EYS: variants seen among roughly 807,000 people sequenced by gnomAD.
EYS encodes the protein protein eyes shut homolog.
Under a neutral mutation model 282.1 loss-of-function variants are expected in EYS, and 250 were observed. The ratio of observed to expected loss-of-function variants is 0.89; its 90% CI spans 0.80 to 0.98. EYS has a LOEUF of 0.98. EYS is among the 50% of genes least tolerant of loss of function. EYS has a pLI of 0.00. For synonymous variants in EYS, 1,355 were observed against 1,282.9 expected, an observed-to-expected ratio of 1.06 and a Z score of -1.20; for missense variants, 4,016 against 3,709.0, an observed-to-expected ratio of 1.08 and a Z score of -2.15.
At chr6:65,608,632 C>A (rs970853949) in intron 2 of EYS, among the ~76,000 whole-genome samples, 1 of 151,964 alleles carries the variant, frequency 6.6e-6, no homozygotes, top group Admixed American at 6.6e-5. Context: ...TGTAATAACA[C>A]TTAGGTTAAA....
intron 2 of EYS, among the ~76,000 whole-genome samples, chr6:65,519,015 G>GA (rs1169317146): frequency 2.6e-5 from 4 of 151,332 alleles, no homozygotes; most frequent in African/African-American, 7.3e-5. Flanking sequence ...GCCCATGTCA[G>GA]AAAAAAAAAT....
intron 26 of EYS, among the ~76,000 whole-genome samples, chr6:64,564,472 G>A (rs941154811): frequency 2.0e-5 from 3 of 151,418 alleles, no homozygotes; most frequent in African/African-American, 4.9e-5. Context: ...TAATAGAGAA[G>A]GGGTTTCACC....
intron 33 of EYS, among the ~76,000 whole-genome samples, chr6:64,019,367 T>C (rs563676342): frequency 1.3e-5 from 2 of 152,302 alleles, no homozygotes; most frequent in East Asian, 3.9e-4. Context: ...GTCCATTTCT[T>C]ATAGTAGCTA....
chr6:63,939,765 T>A (rs1352417799), intron 35 of EYS, among the ~76,000 whole-genome samples: 1 of 152,222 alleles, frequency 6.6e-6, no homozygotes, highest in African/African-American at 2.4e-5. Context: ...GATACATCTA[T>A]TTTATTATCT....
intron 5 of EYS, among the ~76,000 whole-genome samples, chr6:65,447,724 T>C (rs990766788): frequency 2.6e-5 from 4 of 151,566 alleles, no homozygotes; most frequent in African/African-American, 4.8e-5. Context: ...GTGCACACAT[T>C]GTATTAGTGG....
At chr6:63,752,403 T>C (rs1769359813) in intron 41 of EYS, among the ~76,000 whole-genome samples, 1 of 152,108 alleles carries the variant, frequency 6.6e-6, no homozygotes, top group Admixed American at 6.5e-5. Flanking sequence ...TTACAGCCTT[T>C]ATTGTGTGTC....
intron 31 of EYS, among the ~76,000 whole-genome samples, chr6:64,154,440 CAAAAA>C (rs397819570): frequency 0.012 from 705 of 59,514 alleles, 11 homozygotes; most frequent in African/African-American, 0.033. Context: ...AACTCCGTCT[CAAAAA>C]AAAAAAAAAA....
intron 22 of EYS, among the ~76,000 whole-genome samples, chr6:64,670,914 T>G (rs987828415): frequency 2.0e-5 from 3 of 151,490 alleles, no homozygotes; most frequent in African/African-American, 7.3e-5. Flanking sequence ...ACCCTCCAAT[T>G]CTAAATGATA....
chr6:64,247,296 G>A (rs570930652), intron 30 of EYS, among the ~76,000 whole-genome samples: 1 of 152,264 alleles, frequency 6.6e-6, no homozygotes, highest in South Asian at 2.1e-4. Context: ...CTAGCCATAA[G>A]AACATATGTG....
intron 5 of EYS, among the ~76,000 whole-genome samples, chr6:65,452,716 A>G (rs1035049732): frequency 6.6e-6 from 1 of 152,034 alleles, no homozygotes; most frequent in Non-Finnish European, 1.5e-5. Context: ...AGCCTGAGGG[A>G]ACTATGTTAG....
chr6:65,640,928 C>A (rs759806952), intron 1 of EYS, among the ~76,000 whole-genome samples: 5 of 151,920 alleles, frequency 3.3e-5, no homozygotes, highest in Non-Finnish European at 5.9e-5. Context: ...TATCTGTGCC[C>A]TATTTCTTTT....
chr6:63,810,079 TAAAAAAA>T (rs59987621), intron 36 of EYS, among the ~76,000 whole-genome samples: 15 of 136,422 alleles, frequency 1.1e-4, no homozygotes, highest in South Asian at 2.4e-4. Context: ...GCCTCTACTT[TAAAAAAA>T]AAAAAAAGAA....
chr6:64,417,366 G>A lies in EYS; in HGVS notation c.5927+18808C>T, dbSNP rs187372081. On this transcript the variant is annotated intron_variant, in intron 28 of 42. Transcript: ENST00000503581. ...GTACAGGGGTTTACAATGGGTAGCA[G>A]TGCTAGAATTTGCTTTTAATTTGCT... Among the ~76,000 whole-genome samples the A allele has an allele frequency of 4.6e-5, 7 of 152,234 alleles. No individual in the cohort carries two copies. In the East Asian group the frequency reaches 1.4e-3, roughly 29 times the overall value.
chr6:64,458,757 CT>C (rs1314996014), intron 26 of EYS, among the ~76,000 whole-genome samples: 1 of 152,066 alleles, frequency 6.6e-6, no homozygotes, highest in Non-Finnish European at 1.5e-5. Flanking sequence ...ACTGTATCAT[CT>C]TGTTCCACCC....
At chr6:65,059,380 C>T (rs757551422) in intron 12 of EYS, among the ~76,000 whole-genome samples, 1 of 151,966 alleles carries the variant, frequency 6.6e-6, no homozygotes, top group Non-Finnish European at 1.5e-5. Context: ...TATGCATTTG[C>T]TATTTAGCCT....
intron 5 of EYS, among the ~76,000 whole-genome samples, chr6:65,407,744 CGT>C (rs71002305): frequency 0.22 from 32,266 of 143,840 alleles, 3,506 homozygotes; most frequent in East Asian, 0.35. Context: ...CTAATAAGTC[CGT>C]GTGTGTGTGT....
intron 5 of EYS, among the ~76,000 whole-genome samples, chr6:65,462,206 A>G (rs1764848085): frequency 6.6e-6 from 1 of 152,160 alleles, no homozygotes; most frequent in Non-Finnish European, 1.5e-5. Flanking sequence ...AAAGAAGTCA[A>G]CTTAAATAAT....
chr6:64,818,725 C>T (rs1764814986), intron 21 of EYS, among the ~76,000 whole-genome samples: 1 of 152,088 alleles, frequency 6.6e-6, no homozygotes, highest in Non-Finnish European at 1.5e-5. Flanking sequence ...AGTTCTTCCA[C>T]GTTCTTCTGG....
chr6:65,506,542 G>A (rs1582390515), intron 2 of EYS, among the ~76,000 whole-genome samples: 1 of 114,816 alleles, frequency 8.7e-6, no homozygotes, highest in Non-Finnish European at 1.6e-5. Context: ...GCAATAGTTT[G>A]GTCATAGCTC....
Sources: allele counts gnomAD v4.1 joint callset (sites outside exome capture counted in the v4.1 genomes callset), GRCh38; gene constraint gnomAD v4.1.1; transcripts MANE v1.5; gene names NCBI Gene and HGNC (gene_info 2026-07-23, HGNC 2026-07-21).